The following KCNIP4 variants were observed in gnomAD, a reference collection of about 807,000 sequenced individuals.
KCNIP4 encodes Kv channel-interacting protein 4.
KCNIP4 carries 12 observed loss-of-function variants against 34.0 expected under a neutral mutation model. That is an observed-to-expected ratio of 0.35 (90% CI 0.23 to 0.57). KCNIP4 has a LOEUF of 0.57. Ranked by LOEUF, KCNIP4 falls within the 20% of genes least tolerant of loss-of-function variation. The probability of loss-of-function intolerance (pLI) is 0.83; values close to 1 mark genes in which losing one functional copy is unlikely to be tolerated. For missense variants in KCNIP4, 238 were observed against 311.7 expected (o/e 0.76, Z 1.78); for synonymous variants, 124 against 102.2 (o/e 1.21, Z -1.29).
rs1372438597 is a variant in KCNIP4, at chr4:20,729,951, A to AAAAC, written c.*127_*130dup. The AAAAC allele has an allele frequency of 3.3e-5, 36 of 1,107,680 alleles. No individual in the cohort carries two copies. In the Admixed American group the frequency reaches 6.4e-4, roughly 20 times the overall value. The allele number at this position is 1,107,680 out of a possible 1,614,324, so 68.6% of individuals were successfully genotyped here. On this transcript the variant is annotated 3_prime_UTR_variant, in exon 9 of 9. Transcript: ENST00000382152. ...AATCTTTTGGGGATTGCTTTATATT[A>AAAAC]AAACAAAGCTTGTTTGCATAATATG...
At chr4:21,473,198 T>C (rs543426186) in intron 1 of KCNIP4, among the ~76,000 whole-genome samples, 1 of 152,326 alleles carries the variant, frequency 6.6e-6, no homozygotes, top group Non-Finnish European at 1.5e-5. Context: ...TTTGCTGCTG[T>C]AAGACATTAG....
chr4:21,701,480 T>C (rs1358293177), intron 1 of KCNIP4, among the ~76,000 whole-genome samples: 1 of 152,174 alleles, frequency 6.6e-6, no homozygotes, highest in Non-Finnish European at 1.5e-5. Context: ...CTTTCTGCAA[T>C]AACCATATAT....
At chr4:21,620,565 CCCT>C (rs1178088273) in intron 1 of KCNIP4, among the ~76,000 whole-genome samples, 4 of 152,028 alleles carry the variant, frequency 2.6e-5, no homozygotes, top group Admixed American at 2.6e-4. Context: ...TAGAGTTTTA[CCCT>C]CCTATCTAAA....
At chr4:20,787,028 T>C (rs1187752973) in intron 3 of KCNIP4, among the ~76,000 whole-genome samples, 1 of 152,156 alleles carries the variant, frequency 6.6e-6, no homozygotes, top group East Asian at 1.9e-4. Context: ...CGATTATTCT[T>C]AGTAATAAAT....
intron 1 of KCNIP4, among the ~76,000 whole-genome samples, chr4:20,999,438 GTTTT>G (rs56952036): frequency 2.2e-5 from 1 of 45,530 alleles, no homozygotes; most frequent in African/African-American, 9.2e-5. Flanking sequence ...TTTGTTTTTT[GTTTT>G]TTTTTTTTTT....
chr4:20,968,980 C>A lies in KCNIP4; in HGVS notation c.62-86271G>T, dbSNP rs368248947. 2.1e-4 allele frequency among the ~76,000 whole-genome samples: 32 copies of A among 152,208 alleles called. No homozygotes were observed. The South Asian group carries it at 2.9e-3, about 14-fold the overall frequency. On this transcript the variant is annotated intron_variant, in intron 1 of 8. Transcript: ENST00000382152. ...TATTACTCTCTCTACTGCCTCCCTGCTATTTAAATTCATCTAAGTAAACTA... is the reference window on the plus strand; with the variant it reads ...TATTACTCTCTCTACTGCCTCCCTGATATTTAAATTCATCTAAGTAAACTA...
chr4:21,948,567 C>A lies in KCNIP4; in HGVS notation c.61+4G>T. On this transcript the variant is annotated splice_donor_region_variant and intron_variant, in intron 1 of 8. Coordinates refer to ENST00000382152, the MANE Select transcript of KCNIP4 (RefSeq NM_025221.6). ...CGCCCGCTCGCAAGCTTATTGCATCCTACCGCCTGTAGAGCTGGCCTCCTC... is the reference window on the plus strand; with the variant it reads ...CGCCCGCTCGCAAGCTTATTGCATCATACCGCCTGTAGAGCTGGCCTCCTC... The A allele has an allele frequency of 6.2e-7, 1 of 1,612,986 alleles. No homozygotes were observed. The highest frequency in any genetic ancestry group is 8.5e-7 in the Non-Finnish European group (1 of 1,179,572).
At chr4:21,919,611 A>C (rs2203274) in intron 1 of KCNIP4, among the ~76,000 whole-genome samples, 23,555 of 152,104 alleles carry the variant, frequency 0.15, 4,214 homozygotes, top group African/African-American at 0.43. Context: ...ATAAATTATG[A>C]TGAGTCTATC....
intron 1 of KCNIP4, among the ~76,000 whole-genome samples, chr4:20,971,869 A>T (rs1004152367): frequency 6.6e-6 from 1 of 152,138 alleles, no homozygotes; most frequent in Non-Finnish European, 1.5e-5. Context: ...TCAAAATTAG[A>T]CTCAATCCTC....
At chr4:20,780,815 A>T (rs73112222) in intron 3 of KCNIP4, among the ~76,000 whole-genome samples, 14,502 of 152,276 alleles carry the variant, frequency 0.095, 991 homozygotes, top group African/African-American at 0.2. Flanking sequence ...TGATGCTGTA[A>T]GTATTCCTAT....
At chr4:21,610,617 T>C (rs1744077658) in intron 1 of KCNIP4, among the ~76,000 whole-genome samples, 1 of 152,158 alleles carries the variant, frequency 6.6e-6, no homozygotes, top group South Asian at 2.1e-4. Context: ...ATTAAATATG[T>C]ATATTAGAAT....
At chr4:21,687,322 A>T (rs1292379479) in intron 1 of KCNIP4, among the ~76,000 whole-genome samples, 11 of 152,012 alleles carry the variant, frequency 7.2e-5, no homozygotes, top group African/African-American at 1.7e-4. Context: ...AGTATAAAAA[A>T]AAAAAAAAAA....
At chr4:20,786,699 C>T (rs1402401734) in intron 3 of KCNIP4, among the ~76,000 whole-genome samples, 8 of 152,036 alleles carry the variant, frequency 5.3e-5, no homozygotes, top group Admixed American at 5.2e-4. Context: ...GTACACTGTG[C>T]TTTATAATAC....
chr4:21,101,305 A>G (rs1390032172), intron 1 of KCNIP4, among the ~76,000 whole-genome samples: 1 of 152,090 alleles, frequency 6.6e-6, no homozygotes, highest in Non-Finnish European at 1.5e-5. Context: ...TTTTTTATGC[A>G]TGAGTAGTAT....
chr4:21,291,660 T>A (rs945289293), intron 1 of KCNIP4, among the ~76,000 whole-genome samples: 6 of 150,904 alleles, frequency 4.0e-5, no homozygotes, highest in African/African-American at 1.5e-4. Flanking sequence ...CCATCCTGGA[T>A]AACATGGTGA....
At chr4:20,769,072 C>CAAA (rs5856579) in intron 3 of KCNIP4, among the ~76,000 whole-genome samples, 106 of 99,748 alleles carry the variant, frequency 1.1e-3, no homozygotes, top group South Asian at 9.4e-3. Flanking sequence ...GATTTACAGC[C>CAAA]AAAAAAAAAA....
intron 1 of KCNIP4, among the ~76,000 whole-genome samples, chr4:21,309,287 A>G (rs529883976): frequency 7.2e-5 from 11 of 152,306 alleles, no homozygotes; most frequent in African/African-American, 2.6e-4. Context: ...CTCAAGACCT[A>G]ACCTTCATTC....
At chr4:21,668,718 C>A (rs1407884391) in intron 1 of KCNIP4, among the ~76,000 whole-genome samples, 2 of 152,058 alleles carry the variant, frequency 1.3e-5, no homozygotes, top group Non-Finnish European at 2.9e-5. Flanking sequence ...TTTTTATCAA[C>A]CTTAACATTT....
At position 20,863,590 on chromosome 4, in the gene KCNIP4, A is replaced by G. The variant is rs1577272909; in HGVS notation, c.164-12923T>C. Among the ~76,000 whole-genome samples the G allele has an allele frequency of 2.6e-5, 4 of 152,064 alleles. No homozygotes were observed. The East Asian group carries it at 7.7e-4, about 29-fold the overall frequency. On this transcript the variant is annotated intron_variant, in intron 2 of 8. Coordinates refer to ENST00000382152, the MANE Select transcript of KCNIP4 (RefSeq NM_025221.6). ...TCTTTTCTAGAAAGGGCTATTATCA[A>G]TTTGTTTCAGAGTCAAACCATACAC...
Sources: gnomAD v4.1 joint callset for allele counts (sites outside exome capture counted in the v4.1 genomes callset) on GRCh38, gnomAD v4.1.1 for gene constraint, MANE v1.5 for transcripts, NCBI Gene and HGNC (gene_info 2026-07-23, HGNC 2026-07-21) for gene names.